IDE: variants seen among roughly 807,000 people sequenced by gnomAD.
IDE encodes the protein insulin degrading enzyme, also known as insulin-degrading enzyme.
A neutral mutation model predicts 133.2 loss-of-function variants in IDE; 58 were observed. The ratio of observed to expected loss-of-function variants is 0.44; its 90% confidence interval spans 0.35 to 0.54. The LOEUF (loss-of-function observed/expected upper bound fraction) is 0.54. Ranked by LOEUF, IDE falls within the 20% of genes least tolerant of loss-of-function variation. The pLI, the probability that IDE is intolerant of heterozygous loss-of-function variation, is 0.00. For synonymous variants in IDE, 396 were observed against 421.3 expected (o/e 0.94, Z 0.73); for missense variants, 981 against 1,234.0 (o/e 0.79, Z 3.07).
chr10:92,548,640 A>C (rs1842644904), intron 1 of IDE, among the ~76,000 whole-genome samples: 1 of 152,212 alleles, frequency 6.6e-6, no homozygotes, highest in Non-Finnish European at 1.5e-5. Flanking sequence ...TATTACCAGC[A>C]TTCTTAACAC....
intron 4 of IDE, among the ~76,000 whole-genome samples, chr10:92,516,807 G>A (rs1055095288): frequency 9.2e-5 from 14 of 152,180 alleles, no homozygotes; most frequent in South Asian, 2.1e-4. Context: ...ACTCTCCAGC[G>A]ATGTATGTAG....
Position 92,531,745 on chromosome 10 carries a change from A to C in IDE, c.661+3T>G, listed in dbSNP as rs1849936411. 6.4e-7 allele frequency: 1 copy of C among 1,571,590 alleles called. No homozygotes were observed. Among genetic ancestry groups the C allele is most frequent in the South Asian group, 1.2e-5 (1 of 82,906 alleles). Reference sequence around the variant, plus strand: ...AGGTCAAGGAAAGCAGCTGTTGACAAACCTGTCCCAAATTTACTGAAGGGG... The same window carrying C: ...AGGTCAAGGAAAGCAGCTGTTGACACACCTGTCCCAAATTTACTGAAGGGG... On this transcript the variant is annotated splice_donor_region_variant and intron_variant, in intron 4 of 24. Coordinates refer to ENST00000265986, the MANE Select transcript of IDE (RefSeq NM_004969.4).
rs1353269822 is a variant in IDE, at chr10:92,505,954, C to A, written c.1326+488G>T. On this transcript the variant is annotated intron_variant, in intron 10 of 24. Coordinates refer to ENST00000265986, the MANE Select transcript of IDE (RefSeq NM_004969.4). The stretch of plus-strand genomic sequence containing the variant: ...TTTTATGCCAACTCTGTTGGGAAAC[C>A]ACTGAAGGAATTTAAACAGAGGAGT... Among the ~76,000 whole-genome samples the A allele has an allele frequency of 3.3e-5, 5 of 151,418 alleles. No individual in the cohort carries two copies. The South Asian group carries it at 8.3e-4, about 25-fold the overall frequency.
At chr10:92,568,236 TTTGGGAGTTG>T (rs200846834) in intron 1 of IDE, among the ~76,000 whole-genome samples, 3,174 of 152,252 alleles carry the variant, frequency 0.021, 49 homozygotes, top group Admixed American at 0.052. Flanking sequence ...GAGAAATACA[TTTGGGAGTTG>T]TCAGAATATA....
intron 1 of IDE, chr10:92,559,218 G>A (rs778738044): frequency 1.3e-5 from 2 of 152,204 alleles, no homozygotes; most frequent in South Asian, 2.1e-4. Context: ...GGTAGTTCCT[G>A]AAAAGGTTAA....
chr10:92,573,495 C>A (rs891451699), intron 1 of IDE, among the ~76,000 whole-genome samples: 2 of 152,210 alleles, frequency 1.3e-5, no homozygotes, highest in Non-Finnish European at 2.9e-5. Context: ...GAGAAGCGGT[C>A]CCCCCGAAGT....
chr10:92,510,060 T>G lies in IDE; in HGVS notation c.887A>C (p.Glu296Ala). The G allele has an allele frequency of 6.4e-7, 1 of 1,561,146 alleles. No homozygotes were observed. The highest frequency in any genetic ancestry group is 8.8e-7 in the Non-Finnish European group (1 of 1,135,820). ...AATTTATGCACTTACTTTAAGATGT[T>G]CTTCTTGGAAAGGGTGTTCAGGAAA... ...PEFPEHPFQE[E>A]HLKQLYKIVP... The change falls in exon 6 of 25, where the codon GAA becomes GCA. Residue 296 changes from glutamate (E) to alanine (A), a missense_variant. Transcript: ENST00000265986.
At chr10:92,559,011 G>A (rs1037986048) in intron 1 of IDE, 1 of 149,956 alleles carries the variant, frequency 6.7e-6, no homozygotes, top group Non-Finnish European at 1.5e-5. Context: ...AAATGGCCAA[G>A]AAGCATATGA....
At chr10:92,525,245 T>G (rs1263711390) in intron 4 of IDE, among the ~76,000 whole-genome samples, 1 of 152,228 alleles carries the variant, frequency 6.6e-6, no homozygotes, top group Non-Finnish European at 1.5e-5. Flanking sequence ...AGAGTGAGAC[T>G]GTCTCAAAAC....
chr10:92,544,025 G>A (rs945352002), intron 1 of IDE, among the ~76,000 whole-genome samples: 1 of 152,312 alleles, frequency 6.6e-6, no homozygotes, highest in South Asian at 2.1e-4. Flanking sequence ...CTGAGGTCAA[G>A]AGTTTGAGAC....
At chr10:92,571,470 C>T (rs1378009850) in intron 1 of IDE, among the ~76,000 whole-genome samples, 1 of 152,166 alleles carries the variant, frequency 6.6e-6, no homozygotes, top group African/African-American at 2.4e-5. Context: ...CCACTGTTTC[C>T]TAAGCCTATG....
chr10:92,522,136 T>C (rs368741878), intron 4 of IDE, among the ~76,000 whole-genome samples: 2 of 152,154 alleles, frequency 1.3e-5, no homozygotes, highest in South Asian at 2.1e-4. Flanking sequence ...ATTGAACTTG[T>C]ATTAGAGTCT....
rs772205366 is a variant in IDE at position 92,490,516 on chromosome 10, C to G, written c.1510G>C (p.Ala504Pro). 6.2e-7 allele frequency: 1 copy of G among 1,609,074 alleles called. No homozygotes were observed. The highest frequency in any genetic ancestry group is 2.2e-5 in the East Asian group (1 of 44,846). The change falls in exon 12 of 25, where the codon GCT becomes CCT. Residue 504 changes from alanine (A) to proline (P), a missense_variant. Physicochemically the swap from Ala to Pro is conservative, Grantham distance 27. This residue lies in a region of IDE where 660 missense variants were observed against 894.7 expected (regional missense o/e 0.74). Transcript: ENST00000265986. Reference sequence around the variant, plus strand: ...ACCTTGATGACTTCATCCGGTATAGCTTCTTGTTTGTACTGGGTTCCATAC... The same window carrying G: ...ACCTTGATGACTTCATCCGGTATAGGTTCTTGTTTGTACTGGGTTCCATAC... Reference protein sequence around the residue: ...EWYGTQYKQEAIPDEVIKKWQ... With the variant: ...EWYGTQYKQEPIPDEVIKKWQ...
At position 92,561,792 on chromosome 10, in the gene IDE, T is replaced by C. The variant is rs144722850; in HGVS notation, c.98+12130A>G. Among the ~76,000 whole-genome samples the C allele has an allele frequency of 3.8e-4, 58 of 151,922 alleles. No homozygotes were observed. The East Asian group carries it at 0.01, about 27-fold the overall frequency. On this transcript the variant is annotated intron_variant, in intron 1 of 24. Coordinates refer to ENST00000265986, the MANE Select transcript of IDE (RefSeq NM_004969.4). ...AAAAATAAAATAAAATAAGATGATG[T>C]GATAATCTTCGTAAACTTTAAATGA... is the stretch of plus-strand genomic sequence containing the variant.
Position 92,452,259 on chromosome 10 carries a change from G to A in IDE, c.*2185C>T, listed in dbSNP as rs1459443695. 3.3e-5 allele frequency: 5 copies of A among 152,324 alleles called. No homozygotes were observed. Among genetic ancestry groups the A allele is most frequent in the South Asian group, 2.1e-4 (1 of 4,828 alleles). 9.4% of individuals were successfully genotyped at this position (152,324 alleles called of 1,614,324 possible). On this transcript the variant is annotated 3_prime_UTR_variant, in exon 25 of 25. Coordinates refer to ENST00000265986, the MANE Select transcript of IDE (RefSeq NM_004969.4). ...CAGACTCCAGAGGTGAAATTCAGGCGATTTATTGTAAACAGGATAACCCTA... is the reference window on the plus strand; with the variant it reads ...CAGACTCCAGAGGTGAAATTCAGGCAATTTATTGTAAACAGGATAACCCTA...
chr10:92,561,747 G>A (rs1236024706), intron 1 of IDE, among the ~76,000 whole-genome samples: 3 of 150,698 alleles, frequency 2.0e-5, no homozygotes, highest in Non-Finnish European at 4.4e-5. Flanking sequence ...GGGTGACAGA[G>A]CGAGACTCCG....
intron 11 of IDE, among the ~76,000 whole-genome samples, chr10:92,493,797 A>G (rs563595330): frequency 1.9e-4 from 29 of 152,320 alleles, no homozygotes; most frequent in Non-Finnish European, 3.2e-4. Flanking sequence ...TATATCATTA[A>G]GGAATTCCAG....
chr10:92,560,551 A>G (rs1192921680), intron 1 of IDE, among the ~76,000 whole-genome samples: 1 of 151,226 alleles, frequency 6.6e-6, no homozygotes, highest in Admixed American at 6.6e-5. Flanking sequence ...GGGAGGCCCT[A>G]GCACGTGGAT....
At chr10:92,537,599 G>A in intron 1 of IDE, 49 bp from the exon 2 acceptor site, 2 of 1,365,146 alleles carry the variant, frequency 1.5e-6, no homozygotes, top group South Asian at 1.3e-5. Flanking sequence ...TTATATTTAA[G>A]GACAAACAAT....
Sources: allele counts gnomAD v4.1 joint callset (sites outside exome capture counted in the v4.1 genomes callset), GRCh38; gene constraint gnomAD v4.1.1; regional missense constraint gnomAD v4.1.1; transcripts MANE v1.5; gene names NCBI Gene and HGNC (gene_info 2026-07-23, HGNC 2026-07-21).